The following WDR17 variants were observed in gnomAD, a reference collection of about 807,000 sequenced individuals.
WDR17 encodes WD repeat domain 17.
WDR17 carries 143 observed loss-of-function variants against 161.7 expected under a neutral mutation model. That is an observed-to-expected ratio of 0.88 (90% CI 0.77 to 1.02). The LOEUF (loss-of-function observed/expected upper bound fraction) is 1.02, where lower values mean the gene tolerates loss of function less well. Ranked by LOEUF, WDR17 falls within the 50% of genes least tolerant of loss-of-function variation. The pLI is 0.00. For synonymous variants in WDR17, 517 were observed against 515.6 expected, an observed-to-expected ratio of 1.00 and a Z score of -0.04; for missense variants, 1,469 against 1,520.9, an observed-to-expected ratio of 0.97 and a Z score of 0.57.
chr4:176,093,591 G>A (rs1736419095), intron 1 of WDR17, among the ~76,000 whole-genome samples: 1 of 152,142 alleles, frequency 6.6e-6, no homozygotes, highest in South Asian at 2.1e-4. Flanking sequence ...AGTTAAATGT[G>A]TGATTTTAAT....
At position 176,176,817 on chromosome 4, in the gene WDR17, CACTCATTT is replaced by C. The variant is rs1366559861; in HGVS notation, c.3450-234_3450-227del. Among the ~76,000 whole-genome samples the C allele has an allele frequency of 7.2e-5, 6 of 83,578 alleles. No homozygotes were observed. The South Asian group carries it at 2.5e-3, about 35-fold the overall frequency. 54.8% of individuals were successfully genotyped at this position (83,578 alleles called of 152,430 possible). ...TATGCAGTTCATTTATTTATCCACT[CACTCATTT>C]ACTCATCCACCCAATGTTTATTGAA... On this transcript the variant is annotated intron_variant, in intron 26 of 28. Coordinates refer to ENST00000508596, the MANE Select transcript of WDR17 (RefSeq NM_181265.4).
At chr4:176,071,321 T>C (rs1480013265) in intron 1 of WDR17, among the ~76,000 whole-genome samples, 1 of 115,648 alleles carries the variant, frequency 8.6e-6, no homozygotes, top group Non-Finnish European at 2.1e-5. Flanking sequence ...CTTTTCTTTT[T>C]TCTTTTCTCT....
At chr4:176,135,568 A>G (rs191362718) in intron 8 of WDR17, among the ~76,000 whole-genome samples, 1 of 151,600 alleles carries the variant, frequency 6.6e-6, no homozygotes, top group Non-Finnish European at 1.5e-5. Flanking sequence ...CTATGCCTTT[A>G]GAAGTATAAT....
intron 1 of WDR17, among the ~76,000 whole-genome samples, chr4:176,073,373 C>T (rs1325197570): frequency 4.6e-5 from 7 of 151,964 alleles, no homozygotes; most frequent in South Asian, 4.2e-4. Context: ...TTTGTCCTTG[C>T]GATAGTTTGC....
chr4:176,166,374 G>T (rs994860850), intron 22 of WDR17, among the ~76,000 whole-genome samples: 1 of 152,082 alleles, frequency 6.6e-6, no homozygotes, highest in Non-Finnish European at 1.5e-5. Context: ...TACAATAAAT[G>T]AACTGTGATT....
intron 1 of WDR17, among the ~76,000 whole-genome samples, chr4:176,096,262 A>G (rs1403860923): frequency 6.6e-6 from 1 of 152,114 alleles, no homozygotes. Flanking sequence ...AGAAAGGTTA[A>G]TAAAATATTT....
At chr4:176,140,962 A>G (rs957435121) in intron 10 of WDR17, among the ~76,000 whole-genome samples, 1 of 152,210 alleles carries the variant, frequency 6.6e-6, no homozygotes, top group Non-Finnish European at 1.5e-5. Flanking sequence ...TTCAGTGACT[A>G]AACACCTGTA....
chr4:176,068,368 G>A (rs918515576), intron 1 of WDR17: 6 of 152,026 alleles, frequency 3.9e-5, no homozygotes, highest in African/African-American at 1.4e-4. Flanking sequence ...GGGAGGCTGA[G>A]GCAGGCGGAT....
At chr4:176,157,230 T>G (rs1748293489) in intron 18 of WDR17, among the ~76,000 whole-genome samples, 1 of 152,204 alleles carries the variant, frequency 6.6e-6, no homozygotes, top group Non-Finnish European at 1.5e-5. Context: ...TGTGCTAATC[T>G]TATAGAGTAC....
chr4:176,176,942 C>T (rs571035712), intron 26 of WDR17, 116 bp from the exon 27 acceptor site: 27 of 667,066 alleles, frequency 4.0e-5, no homozygotes, highest in East Asian at 2.2e-4. Context: ...TTATATATAA[C>T]GTATAATGTC....
intron 26 of WDR17, among the ~76,000 whole-genome samples, chr4:176,176,801 CATTT>C (rs1751510249): frequency 9.6e-6 from 1 of 103,794 alleles, no homozygotes; most frequent in South Asian, 4.1e-4. Flanking sequence ...TTATGCAGTT[CATTT>C]ATTTATCCAC....
At chr4:176,085,934 G>T (rs1005919805) in intron 1 of WDR17, among the ~76,000 whole-genome samples, 8 of 151,710 alleles carry the variant, frequency 5.3e-5, no homozygotes, top group Non-Finnish European at 1.2e-4. Context: ...AAATATAATT[G>T]ATGCTATAAT....
At chr4:176,130,613 C>T (rs189826954) in intron 6 of WDR17, among the ~76,000 whole-genome samples, 260 of 151,876 alleles carry the variant, frequency 1.7e-3, no homozygotes, top group African/African-American at 6.0e-3. Flanking sequence ...GGCGTGGTGG[C>T]AGGAGCCTGT....
intron 1 of WDR17, among the ~76,000 whole-genome samples, chr4:176,078,855 T>C (rs1411132996): frequency 1.3e-5 from 2 of 152,060 alleles, no homozygotes; most frequent in African/African-American, 4.8e-5. Flanking sequence ...TCACCTCAAA[T>C]ATTTATCATT....
chr4:176,176,033 T>C lies in WDR17; in HGVS notation c.3450-1025T>C, dbSNP rs149221078. Among the ~76,000 whole-genome samples the C allele has an allele frequency of 4.6e-4, 70 of 152,266 alleles. No individual in the cohort carries two copies. In the East Asian group the frequency reaches 5.8e-3, roughly 13 times the overall value. On this transcript the variant is annotated intron_variant, in intron 26 of 28. Coordinates refer to ENST00000508596, the MANE Select transcript of WDR17 (RefSeq NM_181265.4). ...GCTCAGGGAAAAATCTCTTTCTACA[T>C]AGGTAGCATAACCAAAATTGGAAAG...
chr4:176,158,176 G>A (rs77377363), intron 18 of WDR17, among the ~76,000 whole-genome samples: 2,925 of 152,214 alleles, frequency 0.019, 49 homozygotes, highest in Middle Eastern at 0.037. Context: ...TAGAATATCC[G>A]CACAAGCTAA....
chr4:176,141,894 C>G (rs1253287555), intron 10 of WDR17, 89 bp from the exon 11 acceptor site: 6 of 1,052,438 alleles, frequency 5.7e-6, no homozygotes, highest in Admixed American at 2.3e-5. Flanking sequence ...TGGAATATTT[C>G]TATTTGAAAT....
intron 1 of WDR17, among the ~76,000 whole-genome samples, chr4:176,105,271 A>G (rs1451664909): frequency 6.6e-6 from 1 of 152,106 alleles, no homozygotes; most frequent in East Asian, 1.9e-4. Context: ...TTCTACAATA[A>G]TAGTTGGATA....
chr4:176,081,322 C>T (rs552694504), intron 1 of WDR17, among the ~76,000 whole-genome samples: 1 of 152,228 alleles, frequency 6.6e-6, no homozygotes, highest in East Asian at 1.9e-4. Context: ...TTCTGTCTCG[C>T]CTGTCTGTTC....
Sources: allele counts gnomAD v4.1 joint callset (sites outside exome capture counted in the v4.1 genomes callset), GRCh38; gene constraint gnomAD v4.1.1; transcripts MANE v1.5; gene names NCBI Gene and HGNC (gene_info 2026-07-23, HGNC 2026-07-21).